The following PSMG4 variants were observed in gnomAD, a reference collection of about 807,000 sequenced individuals.
PSMG4 encodes proteasome (prosome, macropain) assembly chaperone 4.
In PSMG4, 10 loss-of-function variants were observed where a neutral mutation model predicts 11.0. That is an observed-to-expected ratio of 0.91 (90% CI 0.56 to 1.54). The LOEUF is 1.54. Ranked by LOEUF, PSMG4 falls within the 40% of genes most tolerant of loss-of-function variation. PSMG4 has a pLI of 0.00. For synonymous variants in PSMG4, 95 were observed against 71.3 expected (o/e 1.33, Z -1.68); for missense variants, 198 against 160.9 (o/e 1.23, Z -1.25).
upstream of PSMG4, chr6:3,255,132 G>A (rs960716334): frequency 1.3e-6 from 2 of 1,550,884 alleles, no homozygotes; most frequent in African/African-American, 2.7e-5. Flanking sequence ...ACCACGTATT[G>A]GTCATTCTCT....
intron 2 of PSMG4, chr6:3,266,864 A>ATTAT (rs72222030): frequency 0.85 from 127,937 of 151,216 alleles, 54,299 homozygotes; most frequent in Non-Finnish European, 0.87. Context: ...TTAAATACTT[A>ATTAT]TTTTTTTTTG....
At chr6:3,254,550 T>C (rs140258083), upstream of PSMG4, among the ~76,000 whole-genome samples, 1,167 of 152,262 alleles carry the variant, frequency 7.7e-3, 15 homozygotes, top group African/African-American at 0.027. Context: ...GGTGTGCAGA[T>C]TTGTTCTCGG....
intron 2 of PSMG4, 81 bp from the exon 3 acceptor site, chr6:3,267,510 T>C: frequency 6.7e-7 from 1 of 1,488,342 alleles, no homozygotes; most frequent in Non-Finnish European, 9.1e-7. Flanking sequence ...TCTGAGCATT[T>C]CCCAGCTGCA....
At chr6:3,258,911 G>A (rs944644135), upstream of PSMG4, 109 of 1,084,162 alleles carry the variant, frequency 1.0e-4, no homozygotes, top group Middle Eastern at 3.4e-4. Context: ...CCCTTCCGGG[G>A]CCGAAAGCGA....
In PSMG4 at chr6:3,267,861, A is replaced by G. The variant is rs1415530315; in HGVS notation, c.*149A>G. On this transcript the variant is annotated 3_prime_UTR_variant, in exon 3 of 3. Coordinates refer to ENST00000438998, the MANE Select transcript of PSMG4 (RefSeq NM_001128591.2). ...TTCCTTCTCAGCAGTGTGTGGGCCAAAAGGCTCATACTGACCCACCTGGTG... is the reference window on the plus strand; with the variant it reads ...TTCCTTCTCAGCAGTGTGTGGGCCAGAAGGCTCATACTGACCCACCTGGTG... 19 of 784,598 alleles carry G rather than the reference A, an allele frequency of 2.4e-5. No individual in the cohort carries two copies. The highest frequency in any genetic ancestry group is 2.4e-4 in the East Asian group (8 of 33,972). The allele number at this position is 784,598 out of a possible 1,614,324, so 48.6% of individuals were successfully genotyped here. A position where few individuals can be genotyped will look rare whatever the true frequency, so the allele number is the denominator to read the frequency against.
chr6:3,255,655 CCGAG>C (rs1757737663), upstream of PSMG4, among the ~76,000 whole-genome samples: 1 of 152,174 alleles, frequency 6.6e-6, no homozygotes, highest in Non-Finnish European at 1.5e-5. Flanking sequence ...ACAAACGAGT[CCGAG>C]AGCCTTAAGT....
rs1758257707 is a variant in PSMG4, at chr6:3,267,884, G to A, written c.*172G>A. The stretch of plus-strand genomic sequence containing the variant: ...CAAAAGGCTCATACTGACCCACCTG[G>A]TGAAGGAGAGGCAAAGTGGGCAGTA... On this transcript the variant is annotated 3_prime_UTR_variant, in exon 3 of 3. Coordinates refer to ENST00000438998, the MANE Select transcript of PSMG4 (RefSeq NM_001128591.2). 3 of 595,800 alleles carry A rather than the reference G, an allele frequency of 5.0e-6. No individual in the cohort carries two copies. The highest frequency in any genetic ancestry group is 5.7e-6 in the Non-Finnish European group (2 of 348,916). The allele number at this position is 595,800 out of a possible 1,614,324, so 36.9% of individuals were successfully genotyped here.
chr6:3,262,498 G>T (rs1014252773), intron 1 of PSMG4, among the ~76,000 whole-genome samples: 2 of 152,162 alleles, frequency 1.3e-5, no homozygotes, highest in African/African-American at 4.8e-5. Flanking sequence ...CTTCTCCTGT[G>T]TTTTTTGATC....
upstream of PSMG4, among the ~76,000 whole-genome samples, chr6:3,254,699 T>A (rs796093739): frequency 6.7e-6 from 1 of 149,122 alleles, no homozygotes; most frequent in Non-Finnish European, 1.5e-5. Context: ...AGAAAGAAGC[T>A]GTGGGATGCG....
Position 3,264,433 on chromosome 6 carries a change from C to T in PSMG4, c.250+674C>T. 3 of 1,469,550 alleles carry T rather than the reference C, an allele frequency of 2.0e-6. No homozygotes were observed. In the African/African-American group the frequency reaches 4.2e-5, roughly 21 times the overall value. The allele number at this position is 1,469,550 out of a possible 1,614,324, so 91.0% of individuals were successfully genotyped here. A position where few individuals can be genotyped will look rare whatever the true frequency, so the allele number is the denominator to read the frequency against. On this transcript the variant is annotated intron_variant, in intron 2 of 2. Coordinates refer to ENST00000438998, the MANE Select transcript of PSMG4 (RefSeq NM_001128591.2). ...TGGCGTTCTCCAGTAGGCCCAGCTG[C>T]TTCTGCTCTGGAGTCTTCTCTGTGT...
At chr6:3,263,893 A>G (rs1433917079) in intron 2 of PSMG4, 134 bp downstream of exon 2, 4 of 1,457,994 alleles carry the variant, frequency 2.7e-6, no homozygotes, top group African/African-American at 1.4e-5. Context: ...TGGGAAGCAC[A>G]GACCTTTGCA....
upstream of PSMG4, among the ~76,000 whole-genome samples, chr6:3,258,612 C>T (rs543716131): frequency 2.4e-4 from 36 of 152,142 alleles, no homozygotes; most frequent in South Asian, 5.2e-3. Flanking sequence ...GAGGACGGTG[C>T]GGCTGGCTTC....
intron 1 of PSMG4, among the ~76,000 whole-genome samples, chr6:3,262,493 C>T (rs1037026514): frequency 1.3e-5 from 2 of 152,006 alleles, no homozygotes; most frequent in Admixed American, 6.6e-5. Flanking sequence ...TCATTCTTCT[C>T]CTGTGTTTTT....
At chr6:3,258,453 C>G (rs1386498765), upstream of PSMG4, among the ~76,000 whole-genome samples, 2 of 152,188 alleles carry the variant, frequency 1.3e-5, no homozygotes, top group African/African-American at 4.8e-5. Flanking sequence ...TGGGTGCCGT[C>G]GAAGCCTCCT....
At chr6:3,264,159 G>T in intron 2 of PSMG4, 1 of 1,548,664 alleles carries the variant, frequency 6.5e-7, no homozygotes, top group Non-Finnish European at 8.7e-7. Flanking sequence ...TGGAGCAGGT[G>T]TCACCTCTGT....
chr6:3,255,782 G>C (rs1757741928), upstream of PSMG4, among the ~76,000 whole-genome samples: 1 of 152,222 alleles, frequency 6.6e-6, no homozygotes, highest in African/African-American at 2.4e-5. Context: ...AATGTCCAGA[G>C]AGTCCCAATC....
intron 1 of PSMG4, among the ~76,000 whole-genome samples, chr6:3,262,681 C>T (rs1395964429): frequency 6.6e-6 from 1 of 152,110 alleles, no homozygotes; most frequent in African/African-American, 2.4e-5. Context: ...AGTCTCTGTA[C>T]CTCTAAAAAC....
chr6:3,256,036 C>T (rs961941241), upstream of PSMG4, among the ~76,000 whole-genome samples: 6 of 152,216 alleles, frequency 3.9e-5, no homozygotes, highest in South Asian at 2.1e-4. Flanking sequence ...AGTCAATTGC[C>T]ATCTTCCAGG....
Position 3,264,498 on chromosome 6 carries a change from T to C in PSMG4, c.250+739T>C, listed in dbSNP as rs947539868. ...CTGGTACCTGACAAGCAGGAACCTC[T>C]GTGTCAGTCACACTGAGGCAAATGC... On this transcript the variant is annotated intron_variant, in intron 2 of 2. Transcript: ENST00000438998. The C allele has an allele frequency of 1.8e-5, 23 of 1,256,668 alleles. No individual in the cohort carries two copies. The South Asian group carries it at 3.5e-4, about 19-fold the overall frequency. The allele number at this position is 1,256,668 out of a possible 1,614,324, so 77.8% of individuals were successfully genotyped here.
Sources: allele counts gnomAD v4.1 joint callset (sites outside exome capture counted in the v4.1 genomes callset), GRCh38; gene constraint gnomAD v4.1.1; transcripts MANE v1.5; gene names NCBI Gene and HGNC (gene_info 2026-07-23, HGNC 2026-07-21).